The following SRP72 variants were observed in gnomAD, a reference collection of about 807,000 sequenced individuals.
The protein encoded by SRP72 is signal recognition particle subunit SRP72.
In SRP72, 49 loss-of-function variants were observed where a neutral mutation model predicts 96.3. The observed-to-expected ratio is 0.51, with a 90% CI of 0.40 to 0.65. The LOEUF (loss-of-function observed/expected upper bound fraction) is 0.65. SRP72 is among the 30% of genes least tolerant of loss of function. The pLI is 0.00. For missense variants in SRP72, 736 were observed against 793.3 expected (o/e 0.93, Z 0.87); for synonymous variants, 267 against 275.2 (o/e 0.97, Z 0.30).
intron 8 of SRP72, among the ~76,000 whole-genome samples, chr4:56,479,686 G>T (rs571772450): frequency 9.9e-5 from 15 of 151,696 alleles, no homozygotes; most frequent in African/African-American, 3.6e-4. Context: ...TTGCCATGTT[G>T]CCCAGGCTGG....
chr4:56,467,863 C>G (rs1319273071), intron 1 of SRP72, 119 bp downstream of exon 1: 3 of 1,002,568 alleles, frequency 3.0e-6, no homozygotes, highest in Admixed American at 4.2e-5. Flanking sequence ...CGAAACCCCC[C>G]CGTCTATTGT....
chr4:56,491,716 C>T (rs1578193792), intron 16 of SRP72, 148 bp downstream of exon 16: 3 of 709,268 alleles, frequency 4.2e-6, no homozygotes, highest in East Asian at 2.9e-5. Context: ...GCTCTTTGTC[C>T]TTATTTCCTT....
chr4:56,470,909 C>G (rs1013432808), intron 2 of SRP72, among the ~76,000 whole-genome samples: 1 of 148,380 alleles, frequency 6.7e-6, no homozygotes, highest in African/African-American at 2.5e-5. Flanking sequence ...TCACGCGATT[C>G]TCCTGCCTCA....
chr4:56,479,412 C>T (rs192406292), intron 8 of SRP72, among the ~76,000 whole-genome samples: 19 of 152,238 alleles, frequency 1.2e-4, no homozygotes, highest in Admixed American at 2.6e-4. Flanking sequence ...TTCTCCCGAC[C>T]TCGTGATCCG....
intron 3 of SRP72, 68 bp downstream of exon 3, chr4:56,471,911 CAGGGT>C: frequency 6.3e-7 from 1 of 1,578,632 alleles, no homozygotes; most frequent in Admixed American, 1.8e-5. Flanking sequence ...TAGCAAGGAG[CAGGGT>C]TGAGGAAACC....
chr4:56,471,849 T>G lies in SRP72; in HGVS notation c.354+6T>G. The G allele has an allele frequency of 6.2e-7, 1 of 1,613,682 alleles. No individual in the cohort carries two copies. Among genetic ancestry groups the G allele is most frequent in the Non-Finnish European group, 8.5e-7 (1 of 1,179,826 alleles). On this transcript the variant is annotated splice_donor_region_variant and intron_variant, in intron 3 of 18. Coordinates refer to ENST00000642900, the MANE Select transcript of SRP72 (RefSeq NM_006947.4). ...AGGAGCTTTATGGACAAGTGGTAAT[T>G]ACTGCTTTTAAATACATGTTGACAG...
At chr4:56,481,803 G>T (rs1302162943) in intron 8 of SRP72, among the ~76,000 whole-genome samples, 4 of 133,056 alleles carry the variant, frequency 3.0e-5, no homozygotes, top group Admixed American at 1.7e-4. Flanking sequence ...ATGGAGTCTC[G>T]CTCTCTTGCC....
intron 16 of SRP72, among the ~76,000 whole-genome samples, chr4:56,492,683 A>T (rs550834075): frequency 6.6e-6 from 1 of 152,244 alleles, no homozygotes; most frequent in Non-Finnish European, 1.5e-5. Flanking sequence ...TTAATAAGGA[A>T]TTGGAGTCTC....
intron 8 of SRP72, among the ~76,000 whole-genome samples, chr4:56,479,242 C>T (rs1388953945): frequency 6.6e-6 from 1 of 152,098 alleles, no homozygotes; most frequent in African/African-American, 2.4e-5. Flanking sequence ...TGCAGTGACA[C>T]GATCTCGGCT....
chr4:56,468,384 G>GT (rs1048757382), intron 1 of SRP72, among the ~76,000 whole-genome samples: 21 of 152,238 alleles, frequency 1.4e-4, no homozygotes, highest in African/African-American at 4.3e-4. Flanking sequence ...AGTTTGGCCT[G>GT]TTTTTTTGCC....
intron 11 of SRP72, 152 bp from the exon 12 acceptor site, chr4:56,487,797 G>C: frequency 1.7e-6 from 1 of 581,270 alleles, no homozygotes; most frequent in Non-Finnish European, 3.0e-6. Context: ...CCATCCCCAA[G>C]ACCCCAAAGT....
intron 6 of SRP72, among the ~76,000 whole-genome samples, chr4:56,477,854 A>G (rs1306898981): frequency 1.3e-5 from 2 of 152,222 alleles, no homozygotes; most frequent in Non-Finnish European, 2.9e-5. Flanking sequence ...AATTTGTTCA[A>G]TTACAGGATT....
intron 8 of SRP72, among the ~76,000 whole-genome samples, chr4:56,479,407 C>A (rs1015727762): frequency 2.0e-5 from 3 of 152,022 alleles, no homozygotes; most frequent in African/African-American, 7.2e-5. Flanking sequence ...TCTCATTCTC[C>A]CGACCTCGTG....
At chr4:56,496,050 C>A (rs1472472368) in intron 17 of SRP72, among the ~76,000 whole-genome samples, 1 of 152,150 alleles carries the variant, frequency 6.6e-6, no homozygotes, top group African/African-American at 2.4e-5. Context: ...AGTGTCCAGC[C>A]TTGAATTATT....
At chr4:56,484,026 A>ATTTTTTTTTTTTTTTTTTTTTTTTTT (rs539665243) in intron 9 of SRP72, among the ~76,000 whole-genome samples, 4 of 86,618 alleles carry the variant, frequency 4.6e-5, no homozygotes, top group East Asian at 5.4e-4. Flanking sequence ...AGAAGCAGTA[A>ATTTTTTTTTTTTTTTTTTTTTTTTTT]TTTTTTTTTT....
chr4:56,467,886 G>C (rs1415084606), intron 1 of SRP72, 142 bp downstream of exon 1: 12 of 854,340 alleles, frequency 1.4e-5, no homozygotes, highest in Non-Finnish European at 1.8e-5. Context: ...GCCCGGCTCG[G>C]GCCCTAGCGC....
chr4:56,476,374 TTTCTA>T lies in SRP72; in HGVS notation c.611-295_611-291del, dbSNP rs145873287. The T allele has an allele frequency of 0.037, 14,388 of 391,018 alleles. 680 individuals carry two copies. The highest frequency in any genetic ancestry group is 0.22 in the East Asian group (4,133 of 18,716). 24.2% of individuals were successfully genotyped at this position (391,018 alleles called of 1,614,324 possible). A position where few individuals can be genotyped will look rare whatever the true frequency, so the allele number is the denominator to read the frequency against. On this transcript the variant is annotated intron_variant, in intron 5 of 18. Coordinates refer to ENST00000642900, the MANE Select transcript of SRP72 (RefSeq NM_006947.4). ...TGGTAGGATTGTTTATTTTTATACT[TTTCTA>T]TAATTGATTTTTCGCAATTAATATT...
chr4:56,497,635 C>T (rs1721123010), intron 17 of SRP72, among the ~76,000 whole-genome samples: 1 of 151,906 alleles, frequency 6.6e-6, no homozygotes, highest in Admixed American at 6.6e-5. Context: ...TATCAGCCCA[C>T]CCATACCTTG....
At chr4:56,501,083 G>A (rs1721247792) in intron 18 of SRP72, among the ~76,000 whole-genome samples, 1 of 152,090 alleles carries the variant, frequency 6.6e-6, no homozygotes, top group South Asian at 2.1e-4. Flanking sequence ...GTATTAATAC[G>A]TTTTACATGG....
Sources: gnomAD v4.1 joint callset for allele counts (sites outside exome capture counted in the v4.1 genomes callset) on GRCh38, gnomAD v4.1.1 for gene constraint, MANE v1.5 for transcripts, NCBI Gene and HGNC (gene_info 2026-07-23, HGNC 2026-07-21) for gene names.